The following AXDND1 variants were observed in gnomAD, a reference collection of about 807,000 sequenced individuals.
The protein encoded by AXDND1 is axonemal dynein light chain domain containing 1.
In AXDND1, 110 loss-of-function variants were observed where a neutral mutation model predicts 137.5. The ratio of observed to expected loss-of-function variants is 0.80; its 90% CI spans 0.69 to 0.94. The LOEUF (loss-of-function observed/expected upper bound fraction) is 0.94. Ranked by LOEUF, AXDND1 falls within the 40% of genes least tolerant of loss-of-function variation. The probability of loss-of-function intolerance (pLI) is 0.00; values close to 1 mark genes in which losing one functional copy is unlikely to be tolerated. For synonymous variants in AXDND1, 414 were observed against 399.7 expected (o/e 1.04, Z -0.43); for missense variants, 1,191 against 1,169.8 (o/e 1.02, Z -0.26).
chr1:179,416,774 A>G (rs1469960339), intron 12 of AXDND1, among the ~76,000 whole-genome samples: 3 of 152,212 alleles, frequency 2.0e-5, no homozygotes, highest in Non-Finnish European at 4.4e-5. Flanking sequence ...TCTTTATGGT[A>G]TATAAGCCTT....
intron 25 of AXDND1, chr1:179,550,740 A>T: frequency 4.5e-6 from 1 of 223,446 alleles, no homozygotes; most frequent in South Asian, 7.8e-5. Flanking sequence ...AGAAGACTGC[A>T]TCTTTGGGAC....
At chr1:179,423,474 T>A (rs1008356613) in intron 12 of AXDND1, among the ~76,000 whole-genome samples, 1 of 152,210 alleles carries the variant, frequency 6.6e-6, no homozygotes, top group Non-Finnish European at 1.5e-5. Context: ...TCCTTCCATT[T>A]TGTTGCTTTT....
intron 6 of AXDND1, among the ~76,000 whole-genome samples, chr1:179,379,988 G>A (rs542969560): frequency 6.6e-6 from 1 of 152,214 alleles, no homozygotes; most frequent in East Asian, 1.9e-4. Flanking sequence ...GGTGGCTCAC[G>A]CCTGTAATCC....
chr1:179,406,084 A>G (rs1189849056), intron 11 of AXDND1, among the ~76,000 whole-genome samples: 2 of 152,112 alleles, frequency 1.3e-5, no homozygotes, highest in Non-Finnish European at 2.9e-5. Context: ...AAGACATTTA[A>G]AAATTTTCTT....
chr1:179,395,004 C>A, intron 10 of AXDND1, 94 bp from the exon 11 acceptor site: 1 of 1,070,460 alleles, frequency 9.3e-7, no homozygotes, highest in South Asian at 1.5e-5. Flanking sequence ...CACATGATAA[C>A]TGAGAAGATT....
chr1:179,460,901 T>C (rs1371538559), intron 16 of AXDND1, among the ~76,000 whole-genome samples: 2 of 152,228 alleles, frequency 1.3e-5, no homozygotes, highest in African/African-American at 4.8e-5. Flanking sequence ...TGGGGTTGTT[T>C]GTTTTTTTCT....
chr1:179,503,761 G>A (rs544177713), intron 20 of AXDND1, among the ~76,000 whole-genome samples: 225 of 151,832 alleles, frequency 1.5e-3, no homozygotes, highest in Non-Finnish European at 2.8e-3. Context: ...CTGTGTCCAT[G>A]TGTTCTCATT....
intron 18 of AXDND1, among the ~76,000 whole-genome samples, chr1:179,487,026 G>A (rs1323436856): frequency 6.7e-6 from 1 of 148,672 alleles, no homozygotes; most frequent in Non-Finnish European, 1.5e-5. Flanking sequence ...AGAGTGGCAA[G>A]TTGGATAAAG....
At chr1:179,375,304 A>G (rs570171123) in intron 4 of AXDND1, among the ~76,000 whole-genome samples, 26 of 151,884 alleles carry the variant, frequency 1.7e-4, no homozygotes, top group African/African-American at 4.6e-4. Context: ...GTGTTTCACT[A>G]TATTGGCTAG....
rs191339328 is a variant in AXDND1, at chr1:179,478,162, G to A, written c.1998-4966G>A. On this transcript the variant is annotated intron_variant, in intron 17 of 25. Coordinates refer to ENST00000367618, the MANE Select transcript of AXDND1 (RefSeq NM_144696.6). ...GTGTCTACGTGTTTTCCAGGCACAC[G>A]GTGCATGCTGTTGGTGGATCTACCA... 6.6e-5 allele frequency among the ~76,000 whole-genome samples: 10 copies of A among 152,230 alleles called. No individual in the cohort carries two copies. In the East Asian group the frequency reaches 7.7e-4, roughly 12 times the overall value.
chr1:179,461,091 A>T (rs573027294), intron 16 of AXDND1, among the ~76,000 whole-genome samples: 1 of 152,234 alleles, frequency 6.6e-6, no homozygotes, highest in East Asian at 1.9e-4. Flanking sequence ...TTTTGTTGCC[A>T]TTGCTTTTGG....
At chr1:179,455,325 G>C (rs999538055) in intron 16 of AXDND1, 1 of 148,584 alleles carries the variant, frequency 6.7e-6, no homozygotes, top group Non-Finnish European at 1.5e-5. Flanking sequence ...GGGTGCGGTG[G>C]CTCACGCCTG....
intron 16 of AXDND1, chr1:179,456,852 A>T: frequency 2.4e-6 from 2 of 825,354 alleles, no homozygotes; most frequent in Non-Finnish European, 4.2e-6. Context: ...TTTCTGAATG[A>T]CAGTTTTATC....
chr1:179,523,075 T>C lies in AXDND1; in HGVS notation c.2497-2259T>C, dbSNP rs544006899. Among the ~76,000 whole-genome samples the C allele has an allele frequency of 2.0e-5, 3 of 152,026 alleles. No individual in the cohort carries two copies. The East Asian group carries it at 5.8e-4, about 30-fold the overall frequency. ...GAGGTGTTCAATACTGATGACTCCT[T>C]CTTTCTTCTCTTTTGGCTTTCCTCG... On this transcript the variant is annotated intron_variant, in intron 21 of 25. Coordinates refer to ENST00000367618, the MANE Select transcript of AXDND1 (RefSeq NM_144696.6).
At chr1:179,414,194 TACAAA>T (rs2125234312) in intron 12 of AXDND1, among the ~76,000 whole-genome samples, 1 of 125,108 alleles carries the variant, frequency 8.0e-6, no homozygotes, top group East Asian at 2.5e-4. Context: ...ACAAGATAAA[TACAAA>T]AAAAAACCCA....
At chr1:179,456,771 G>T in intron 16 of AXDND1, 1 of 783,004 alleles carries the variant, frequency 1.3e-6, no homozygotes, top group South Asian at 1.3e-5. Flanking sequence ...TTGGCTGGAT[G>T]AAGCCCTAGC....
At chr1:179,430,838 A>AT (rs1304698222) in intron 14 of AXDND1, among the ~76,000 whole-genome samples, 1 of 152,148 alleles carries the variant, frequency 6.6e-6, no homozygotes, top group African/African-American at 2.4e-5. Flanking sequence ...TGCTGTCCCC[A>AT]TTTGAGTCCA....
At chr1:179,405,703 T>C (rs1393189375) in intron 11 of AXDND1, among the ~76,000 whole-genome samples, 5 of 135,822 alleles carry the variant, frequency 3.7e-5, no homozygotes, top group Admixed American at 3.2e-4. Context: ...GTATCAGTTA[T>C]ATCTCTTTTT....
At chr1:179,475,376 C>T (rs757576358) in intron 17 of AXDND1, among the ~76,000 whole-genome samples, 4 of 152,200 alleles carry the variant, frequency 2.6e-5, no homozygotes, top group Non-Finnish European at 5.9e-5. Flanking sequence ...GTGGGAGCTG[C>T]ACCCTGCAAA....
Sources: allele counts gnomAD v4.1 joint callset (sites outside exome capture counted in the v4.1 genomes callset), GRCh38; gene constraint gnomAD v4.1.1; transcripts MANE v1.5; gene names NCBI Gene and HGNC (gene_info 2026-07-23, HGNC 2026-07-21).